Variants in ADGRV1 observed in about 807,000 individuals in gnomAD.
ADGRV1 encodes the protein adhesion G protein-coupled receptor V1.
Under a neutral mutation model 596.2 loss-of-function variants are expected in ADGRV1, and 359 were observed. That is an observed-to-expected ratio of 0.60 (90% CI 0.55 to 0.66). The LOEUF is 0.66. Ranked by LOEUF, ADGRV1 falls within the 30% of genes least tolerant of loss-of-function variation. The probability of loss-of-function intolerance (pLI) is 0.00; values close to 1 mark genes in which losing one functional copy is unlikely to be tolerated. For missense variants in ADGRV1, 7,274 were observed against 7,575.6 expected, an observed-to-expected ratio of 0.96 and a Z score of 1.48; for synonymous variants, 2,681 against 2,679.2, an observed-to-expected ratio of 1.00 and a Z score of -0.02.
chr5:90,801,088 C>T (rs577548838), intron 70 of ADGRV1, among the ~76,000 whole-genome samples: 42 of 151,884 alleles, frequency 2.8e-4, no homozygotes, highest in African/African-American at 8.4e-4. Context: ...AAATAAAGAA[C>T]GAATGATAGG....
Position 90,644,000 on chromosome 5 carries a change from CTT to C in ADGRV1, c.2734+18_2734+19del. 7 of 1,468,550 alleles carry C rather than the reference CTT, an allele frequency of 4.8e-6. No individual in the cohort carries two copies. The highest frequency in any genetic ancestry group is 6.5e-6 in the Non-Finnish European group (7 of 1,084,014). 91.0% of individuals were successfully genotyped at this position (1,468,550 alleles called of 1,614,324 possible). On this transcript the variant is annotated intron_variant, in intron 14 of 89. Transcript: ENST00000405460. ...TCTATAGTGGTAATTTATTCTGTGT[CTT>C]ATATTGTATTTCTGTTTACTGAAGA...
intron 85 of ADGRV1, among the ~76,000 whole-genome samples, chr5:91,041,894 T>A (rs1403967831): frequency 6.6e-6 from 1 of 152,164 alleles, no homozygotes; most frequent in African/African-American, 2.4e-5. Context: ...AACACATGCA[T>A]ATTATGTTAG....
At chr5:90,866,577 T>A (rs1768133444) in intron 83 of ADGRV1, among the ~76,000 whole-genome samples, 1 of 152,034 alleles carries the variant, frequency 6.6e-6, no homozygotes, top group Non-Finnish European at 1.5e-5. Context: ...TAGTACTTCT[T>A]TAACTGGGCA....
At chr5:90,564,082 A>C (rs1360283798) in intron 1 of ADGRV1, among the ~76,000 whole-genome samples, 1 of 152,252 alleles carries the variant, frequency 6.6e-6, no homozygotes, top group Non-Finnish European at 1.5e-5. Flanking sequence ...AGTAATGTTT[A>C]ACTGAAAGAA....
chr5:90,623,060 G>C (rs191082699), intron 5 of ADGRV1, among the ~76,000 whole-genome samples: 1 of 152,142 alleles, frequency 6.6e-6, no homozygotes, highest in Non-Finnish European at 1.5e-5. Context: ...CTTTAAATGC[G>C]AACACTGGGG....
chr5:90,609,329 A>G (rs1035339666), intron 1 of ADGRV1, among the ~76,000 whole-genome samples: 2 of 152,026 alleles, frequency 1.3e-5, no homozygotes, highest in Admixed American at 1.3e-4. Context: ...AATAAAATGT[A>G]TTTCTTATAA....
intron 78 of ADGRV1, among the ~76,000 whole-genome samples, chr5:90,842,292 C>T (rs1337485386): frequency 1.3e-5 from 2 of 152,064 alleles, no homozygotes; most frequent in African/African-American, 4.8e-5. Flanking sequence ...ATAAAAGTAG[C>T]TCCTATGGGA....
At chr5:90,729,807 G>A (rs746558906) in intron 50 of ADGRV1, 43 bp downstream of exon 50, 1 of 1,583,774 alleles carries the variant, frequency 6.3e-7, no homozygotes, top group Non-Finnish European at 8.7e-7. Context: ...AGGTAGTATG[G>A]AAAGCCAGAA....
At chr5:90,809,095 G>A (rs1159169372) in intron 73 of ADGRV1, among the ~76,000 whole-genome samples, 2 of 151,544 alleles carry the variant, frequency 1.3e-5, no homozygotes, top group Non-Finnish European at 2.9e-5. Flanking sequence ...TAGTTGGGAC[G>A]ACAGGCACCT....
At position 90,853,494 on chromosome 5, in the gene ADGRV1, G is replaced by T; in HGVS notation, c.17415G>T (p.Trp5805Cys). The T allele has an allele frequency of 6.2e-7, 1 of 1,612,544 alleles. No individual in the cohort carries two copies. Reference protein sequence around the residue: ...VQFTEYSSQQWFISGNNLPTL... With the variant: ...VQFTEYSSQQCFISGNNLPTL... ...TTACAGAGTATAGCAGCCAACAGTG[G>T]TTTATAAGTGGAAACAATCTTCCTA... Residue 5805 changes from tryptophan to cysteine, a missense_variant, in exon 80 of 90, where the codon TGG (tryptophan) becomes TGT (cysteine). Trp to Cys is a radical substitution (Grantham distance 215). Transcript: ENST00000405460.
intron 9 of ADGRV1, 79 bp from the exon 10 acceptor site, chr5:90,635,035 C>T: frequency 2.4e-6 from 2 of 834,432 alleles, no homozygotes; most frequent in Non-Finnish European, 3.8e-6. Context: ...CTTACTTTGT[C>T]ACCCCATGCT....
chr5:91,095,243 C>T (rs1196932061), intron 86 of ADGRV1, among the ~76,000 whole-genome samples: 1 of 151,940 alleles, frequency 6.6e-6, no homozygotes. Context: ...ACTCTGTCAC[C>T]CAGGCTGGAG....
intron 83 of ADGRV1, among the ~76,000 whole-genome samples, chr5:90,884,401 C>G (rs1770088605): frequency 1.3e-5 from 2 of 152,136 alleles, no homozygotes; most frequent in Non-Finnish European, 2.9e-5. Flanking sequence ...TTTTAAATTA[C>G]AGAACCGTTA....
At chr5:91,110,159 C>A (rs999828941) in intron 87 of ADGRV1, among the ~76,000 whole-genome samples, 4 of 152,148 alleles carry the variant, frequency 2.6e-5, no homozygotes, top group African/African-American at 9.7e-5. Context: ...TTTGTCATTT[C>A]TAAGGGGATT....
rs563888573 is a variant in ADGRV1, at chr5:90,643,406, G to C, written c.2553+365G>C. ...AGAAATTTTGCTATAGAATTACTTT[G>C]TTCAAAAAAAGAAATTTGAGTTTTA... On this transcript the variant is annotated intron_variant, in intron 13 of 89. Coordinates refer to ENST00000405460, the MANE Select transcript of ADGRV1 (RefSeq NM_032119.4). 1.2e-4 allele frequency among the ~76,000 whole-genome samples: 18 copies of C among 151,998 alleles called. No homozygotes were observed. The South Asian group carries it at 3.7e-3, about 32-fold the overall frequency.
chr5:90,654,119 C>T (rs1320743995), intron 20 of ADGRV1, 167 bp downstream of exon 20: 2 of 742,916 alleles, frequency 2.7e-6, no homozygotes, highest in Non-Finnish European at 4.4e-6. Flanking sequence ...ATGAGAAATT[C>T]TGTCCTGAGT....
chr5:90,861,109 T>C (rs1310678943), intron 82 of ADGRV1, among the ~76,000 whole-genome samples: 1 of 152,112 alleles, frequency 6.6e-6, no homozygotes, highest in Non-Finnish European at 1.5e-5. Context: ...ACCAATTAGA[T>C]GTTCTTTTAG....
intron 87 of ADGRV1, among the ~76,000 whole-genome samples, chr5:91,149,561 G>T (rs1023702351): frequency 1.3e-5 from 2 of 152,030 alleles, no homozygotes; most frequent in Non-Finnish European, 2.9e-5. Flanking sequence ...GCTGGGCACG[G>T]TGGCTCACAC....
chr5:90,924,478 GTTTT>G (rs1247511540), intron 83 of ADGRV1, among the ~76,000 whole-genome samples: 1 of 145,902 alleles, frequency 6.9e-6, no homozygotes, highest in Non-Finnish European at 1.5e-5. Flanking sequence ...TGAGGGGGTT[GTTTT>G]TTTTTTTCTT....
Sources: allele counts gnomAD v4.1 joint callset (sites outside exome capture counted in the v4.1 genomes callset), GRCh38; gene constraint gnomAD v4.1.1; transcripts MANE v1.5; gene names NCBI Gene and HGNC (gene_info 2026-07-23, HGNC 2026-07-21).